The following TBCA variants were observed in gnomAD, a reference collection of about 807,000 sequenced individuals.
TBCA encodes the protein tubulin-specific chaperone A.
TBCA carries 6 observed loss-of-function variants against 15.8 expected under a neutral mutation model. The ratio of observed to expected loss-of-function variants is 0.38; its 90% CI spans 0.21 to 0.75. TBCA has a LOEUF of 0.75. TBCA is among the 30% of genes least tolerant of loss of function. TBCA has a pLI of 0.46. For missense variants in TBCA, 90 were observed against 131.2 expected (o/e 0.69, Z 1.53); for synonymous variants, 32 against 42.3 (o/e 0.76, Z 0.94).
At chr5:77,742,650 A>G (rs375686312) in intron 1 of TBCA, among the ~76,000 whole-genome samples, 2 of 152,316 alleles carry the variant, frequency 1.3e-5, no homozygotes, top group East Asian at 3.9e-4. Context: ...TGTTCAGGTA[A>G]TATGATTTTA....
At chr5:77,744,406 A>G (rs1210622157) in intron 1 of TBCA, among the ~76,000 whole-genome samples, 1 of 152,048 alleles carries the variant, frequency 6.6e-6, no homozygotes, top group Non-Finnish European at 1.5e-5. Context: ...CAAAATATCG[A>G]AAGTGCCAAG....
At chr5:77,694,810 A>G (rs1561261652) in intron 2 of TBCA, among the ~76,000 whole-genome samples, 1 of 152,178 alleles carries the variant, frequency 6.6e-6, no homozygotes, top group Non-Finnish European at 1.5e-5. Flanking sequence ...ATAACATACA[A>G]AGAAGTTCTT....
chr5:77,711,862 G>C (rs562829133), intron 1 of TBCA, among the ~76,000 whole-genome samples: 40 of 152,098 alleles, frequency 2.6e-4, no homozygotes, highest in African/African-American at 8.7e-4. Context: ...GTATTTGCAT[G>C]GTTATTGGAA....
chr5:77,739,465 C>T (rs1746984460), intron 1 of TBCA, among the ~76,000 whole-genome samples: 1 of 152,238 alleles, frequency 6.6e-6, no homozygotes, highest in East Asian at 1.9e-4. Context: ...TCAACAACAA[C>T]AAAAGTTTGA....
chr5:77,734,129 A>C (rs1051379394), intron 1 of TBCA, among the ~76,000 whole-genome samples: 3 of 152,228 alleles, frequency 2.0e-5, no homozygotes, highest in Admixed American at 1.3e-4. Context: ...ATTACTGCTT[A>C]CTGACAGTGC....
At chr5:77,693,980 C>G (rs1485921520) in intron 2 of TBCA, among the ~76,000 whole-genome samples, 1 of 152,100 alleles carries the variant, frequency 6.6e-6, no homozygotes, top group African/African-American at 2.4e-5. Flanking sequence ...TAAACTATTT[C>G]CCCTGCTGTT....
At chr5:77,719,252 A>G (rs934373882) in intron 1 of TBCA, among the ~76,000 whole-genome samples, 45 of 152,362 alleles carry the variant, frequency 3.0e-4, no homozygotes, top group African/African-American at 1.1e-3. Flanking sequence ...TCTAACTTCA[A>G]GTGTCAATAT....
intron 1 of TBCA, among the ~76,000 whole-genome samples, chr5:77,735,047 A>G (rs1233918546): frequency 1.3e-5 from 2 of 152,252 alleles, no homozygotes; most frequent in East Asian, 1.9e-4. Flanking sequence ...ACTACAATAC[A>G]GAGCAAACAT....
chr5:77,712,469 G>C (rs1323743050), intron 1 of TBCA, among the ~76,000 whole-genome samples: 1 of 151,952 alleles, frequency 6.6e-6, no homozygotes, highest in Non-Finnish European at 1.5e-5. Context: ...CTCGTTTGCA[G>C]GAAAGGCTAA....
intron 1 of TBCA, among the ~76,000 whole-genome samples, chr5:77,739,513 C>T (rs187996517): frequency 6.6e-6 from 1 of 152,280 alleles, no homozygotes; most frequent in Non-Finnish European, 1.5e-5. Flanking sequence ...TCATCTTTGG[C>T]TGGATCCTTC....
intron 1 of TBCA, among the ~76,000 whole-genome samples, chr5:77,733,103 A>C (rs147123561): frequency 0.015 from 2,289 of 152,316 alleles, 55 homozygotes; most frequent in African/African-American, 0.051. Context: ...CAACATGGCG[A>C]AACCCCGTCT....
intron 1 of TBCA, among the ~76,000 whole-genome samples, chr5:77,741,655 C>T (rs188485128): frequency 6.6e-6 from 1 of 152,158 alleles, no homozygotes; most frequent in African/African-American, 2.4e-5. Flanking sequence ...AGGGAGTATT[C>T]TAGTCAGAGG....
intron 2 of TBCA, among the ~76,000 whole-genome samples, chr5:77,699,161 A>C (rs1283380849): frequency 6.6e-6 from 1 of 152,054 alleles, no homozygotes; most frequent in Non-Finnish European, 1.5e-5. Flanking sequence ...AAGACTTACC[A>C]TATCCATTAA....
intron 1 of TBCA, among the ~76,000 whole-genome samples, chr5:77,713,692 T>G (rs997588035): frequency 2.0e-5 from 3 of 152,210 alleles, no homozygotes; most frequent in Admixed American, 2.0e-4. Flanking sequence ...ATCAATCTAC[T>G]ATTTCAGCCT....
intron 1 of TBCA, among the ~76,000 whole-genome samples, chr5:77,713,357 TAA>T (rs1441159403): frequency 1.3e-5 from 2 of 152,164 alleles, no homozygotes; most frequent in African/African-American, 4.8e-5. Flanking sequence ...CCAATGTCAT[TAA>T]ATGTTCTTTG....
intron 1 of TBCA, among the ~76,000 whole-genome samples, chr5:77,710,521 T>G (rs1315486469): frequency 2.0e-5 from 3 of 152,188 alleles, no homozygotes; most frequent in African/African-American, 7.2e-5. Context: ...ACTCACAATG[T>G]TAAAAACAAA....
intron 1 of TBCA, among the ~76,000 whole-genome samples, chr5:77,754,458 A>C (rs953647774): frequency 9.9e-5 from 15 of 152,222 alleles, no homozygotes; most frequent in African/African-American, 3.6e-4. Context: ...ATTCAGTATA[A>C]CTTTAGATTC....
At chr5:77,736,023 G>A (rs1463226940) in intron 1 of TBCA, among the ~76,000 whole-genome samples, 2 of 152,118 alleles carry the variant, frequency 1.3e-5, no homozygotes, top group African/African-American at 4.8e-5. Flanking sequence ...CAGAGATCAA[G>A]TTGGTTCTAA....
At chr5:77,716,625 T>G (rs185586048) in intron 1 of TBCA, among the ~76,000 whole-genome samples, 1 of 152,286 alleles carries the variant, frequency 6.6e-6, no homozygotes. Flanking sequence ...TAATTCAAAA[T>G]TAATGGAGCT....
Sources: gnomAD v4.1 joint callset for allele counts (sites outside exome capture counted in the v4.1 genomes callset) on GRCh38, gnomAD v4.1.1 for gene constraint, MANE v1.5 for transcripts, NCBI Gene and HGNC (gene_info 2026-07-23, HGNC 2026-07-21) for gene names.